Variants in LTA4H observed in about 807,000 individuals in gnomAD.
LTA4H encodes leukotriene A4 hydrolase.
LTA4H carries 59 observed loss-of-function variants against 89.8 expected under a neutral mutation model. The observed-to-expected ratio is 0.66, with a 90% CI of 0.53 to 0.82. The LOEUF (loss-of-function observed/expected upper bound fraction) is 0.82. LTA4H is among the 40% of genes least tolerant of loss of function. The pLI is 0.00. For synonymous variants in LTA4H, 227 were observed against 253.1 expected (o/e 0.90, Z 0.98); for missense variants, 617 against 727.0 (o/e 0.85, Z 1.74).
intron 14 of LTA4H, 155 bp downstream of exon 14, chr12:96,013,032 CT>C: frequency 1.9e-6 from 1 of 529,506 alleles, no homozygotes. Flanking sequence ...AGAAATTATT[CT>C]TTTGGCCTCA....
At chr12:96,038,599 A>C (rs1416832219), upstream of LTA4H, among the ~76,000 whole-genome samples, 2 of 151,654 alleles carry the variant, frequency 1.3e-5, no homozygotes, top group Non-Finnish European at 2.9e-5. Context: ...AGCTGGTCTC[A>C]AACTTCTGAG....
At chr12:96,040,794 G>A (rs117762203) in intron 1 of LTA4H, among the ~76,000 whole-genome samples, 130 of 152,310 alleles carry the variant, frequency 8.5e-4, no homozygotes, top group Non-Finnish European at 1.5e-3. Context: ...TGGGTTTTCT[G>A]TCCTTCACAG....
chr12:96,027,286 G>T, intron 3 of LTA4H, 158 bp downstream of exon 3: 1 of 550,118 alleles, frequency 1.8e-6, no homozygotes, highest in South Asian at 3.0e-5. Flanking sequence ...AAGATAAAAT[G>T]AAAATATATA....
At position 96,022,457 on chromosome 12, in the gene LTA4H, A is replaced by G. The variant is rs1179007983; in HGVS notation, c.481-206T>C. 6.6e-6 allele frequency among the ~76,000 whole-genome samples: 1 copy of G among 152,176 alleles called. No individual in the cohort carries two copies. The highest frequency in any genetic ancestry group is 1.9e-4 in the East Asian group (1 of 5,204). ...TGTATAGATGTGTATATATATGCAC[A>G]CATATATATGTGTATATATATAAAA... On this transcript the variant is annotated intron_variant, in intron 4 of 18. Transcript: ENST00000228740. The surrounding 1 kb of genome is among the most constrained non-coding windows in gnomAD (Gnocchi z 4.0).
upstream of LTA4H, among the ~76,000 whole-genome samples, chr12:96,040,382 G>A (rs145870620): frequency 2.7e-3 from 412 of 152,270 alleles, 1 homozygote; most frequent in South Asian, 0.011. Flanking sequence ...ATCCTTAGTA[G>A]TAAAACCTTC....
At chr12:96,015,309 C>G (rs559758757) in intron 11 of LTA4H, 3 of 502,278 alleles carry the variant, frequency 6.0e-6, no homozygotes, top group Non-Finnish European at 1.0e-5. Context: ...AAATGACATA[C>G]CAAATAAGAT....
At chr12:96,003,376 C>T (rs1950140827) in intron 17 of LTA4H, among the ~76,000 whole-genome samples, 1 of 152,104 alleles carries the variant, frequency 6.6e-6, no homozygotes, top group Non-Finnish European at 1.5e-5. Flanking sequence ...TTAAGCCTCA[C>T]ATTACAAATT....
At chr12:96,004,700 A>C (rs1950169851) in intron 16 of LTA4H, among the ~76,000 whole-genome samples, 1 of 152,162 alleles carries the variant, frequency 6.6e-6, no homozygotes, top group African/African-American at 2.4e-5. Context: ...CACACTCACT[A>C]ACCAATCTCT....
At chr12:96,034,110 A>G (rs1434889740) in intron 1 of LTA4H, among the ~76,000 whole-genome samples, 1 of 152,136 alleles carries the variant, frequency 6.6e-6, no homozygotes, top group Non-Finnish European at 1.5e-5. Flanking sequence ...GATCCTTCCT[A>G]CACAAGTAGG....
chr12:96,010,800 T>C (rs955407317), intron 14 of LTA4H: 3 of 152,230 alleles, frequency 2.0e-5, no homozygotes, highest in African/African-American at 7.2e-5. Context: ...GTGCACAGTT[T>C]GGGTGCCAGA....
At chr12:96,035,654 A>T, upstream of LTA4H, 1 of 1,429,926 alleles carries the variant, frequency 7.0e-7, no homozygotes, top group Non-Finnish European at 9.2e-7. Context: ...CGGGAAAGGA[A>T]GTTTCTTAAA....
chr12:96,006,373 C>G lies in LTA4H; in HGVS notation c.1471G>C (p.Asp491His), dbSNP rs1157355853. 3 of 1,611,506 alleles carry G rather than the reference C, an allele frequency of 1.9e-6. No individual in the cohort carries two copies. The highest frequency in any genetic ancestry group is 2.5e-6 in the Non-Finnish European group (3 of 1,178,644). Residue 491 changes from aspartate (D) to histidine (H), a missense_variant, in exon 16 of 19, where the codon GAC (aspartate) becomes CAC (histidine). By Grantham distance (81) the Asp-to-His change is moderately conservative (BLOSUM62 -1). This residue lies in a region of LTA4H where 290 missense variants were observed against 339.1 expected (regional missense o/e 0.86). Transcript: ENST00000228740. ...EDDLNSFNAT[D>H]LKDLSSHQLN... ...TGATGAGAAGAGAGATCCTTCAGGT[C>G]TGTGGCATTGAATGAATTTAAATCA... is the stretch of plus-strand genomic sequence containing the variant.
chr12:96,010,465 G>T (rs1406226132), intron 14 of LTA4H: 1 of 152,224 alleles, frequency 6.6e-6, no homozygotes, highest in Non-Finnish European at 1.5e-5. Flanking sequence ...GTCAAGAAAT[G>T]CTTCCAAGAG....
Position 96,014,908 on chromosome 12 carries a change from T to C in LTA4H, c.1151A>G (p.Tyr384Cys), listed in dbSNP as rs750448669. The C allele has an allele frequency of 2.8e-5, 45 of 1,613,708 alleles. 1 individual carries two copies. In the South Asian group the frequency reaches 3.5e-4, roughly 13 times the overall value. ...AAAAAGTAAAGCAAAGCCCTTCTCATAGGGAACTGAAGAATAAGCTACATC... is the reference window on the plus strand; with the variant it reads ...AAAAAGTAAAGCAAAGCCCTTCTCACAGGGAACTGAAGAATAAGCTACATC... The part of the protein sequence containing the change: ...DPDVAYSSVP[Y>C]EKGFALLFYL... Residue 384 changes from tyrosine (Y) to cysteine (C), a missense_variant, in exon 12 of 19, where the codon TAT (tyrosine) becomes TGT (cysteine). Physicochemically the swap from Tyr to Cys is radical, Grantham distance 194. Transcript: ENST00000228740.
At chr12:96,001,421 T>C (rs966688488) in intron 18 of LTA4H, among the ~76,000 whole-genome samples, 2 of 152,068 alleles carry the variant, frequency 1.3e-5, no homozygotes, top group Non-Finnish European at 2.9e-5. Context: ...TGCAGCAAGT[T>C]ACAGGGAAGG....
At chr12:96,014,822 GAA>G in intron 12 of LTA4H, 31 bp downstream of exon 12, 3 of 1,479,066 alleles carry the variant, frequency 2.0e-6, no homozygotes, top group Admixed American at 2.1e-5. Context: ...CCCTCAAAAA[GAA>G]AAAAAAAATC....
chr12:96,003,282 A>AAG (rs1273808176), intron 17 of LTA4H, among the ~76,000 whole-genome samples: 1 of 152,248 alleles, frequency 6.6e-6, no homozygotes, highest in East Asian at 1.9e-4. Flanking sequence ...GTTCTTGAAA[A>AAG]AGATCATATA....
In LTA4H at chr12:96,027,458, A is replaced by G; in HGVS notation, c.397T>C (p.Phe133Leu). 6.2e-7 allele frequency: 1 copy of G among 1,603,852 alleles called. No individual in the cohort carries two copies. Among genetic ancestry groups the G allele is most frequent in the Non-Finnish European group, 8.5e-7 (1 of 1,176,600 alleles). Reference sequence around the variant, plus strand: ...ATCCTTTTTACCTGGCACTGACTAAAGAGATATGGGTGTTCCTTCCCAGAA... The same window carrying G: ...ATCCTTTTTACCTGGCACTGACTAAGGAGATATGGGTGTTCCTTCCCAGAA... ...QTSGKEHPYL[F>L]SQCQAIHCRA... Residue 133 changes from phenylalanine to leucine, a missense_variant, in exon 3 of 19, where the codon TTT becomes CTT. By Grantham distance (22) the Phe-to-Leu change is conservative. Coordinates refer to ENST00000228740, the MANE Select transcript of LTA4H (RefSeq NM_000895.3).
upstream of LTA4H, among the ~76,000 whole-genome samples, chr12:96,038,275 T>TGCAA (rs1950664825): frequency 6.6e-6 from 1 of 152,176 alleles, no homozygotes; most frequent in African/African-American, 2.4e-5. Flanking sequence ...TGTTGGCCCC[T>TGCAA]GCAAGCCAAA....
Sources: allele counts gnomAD v4.1 joint callset (sites outside exome capture counted in the v4.1 genomes callset), GRCh38; gene constraint gnomAD v4.1.1; regional missense constraint gnomAD v4.1.1; non-coding constraint Gnocchi (gnomAD v3.1); transcripts MANE v1.5; gene names NCBI Gene and HGNC (gene_info 2026-07-23, HGNC 2026-07-21).